Variants in LRIG2 observed in about 807,000 individuals in gnomAD.
LRIG2 encodes the protein leucine rich repeats and immunoglobulin like domains 2, also known as leucine-rich repeats and immunoglobulin-like domains protein 2.
Under a neutral mutation model 107.8 loss-of-function variants are expected in LRIG2, and 93 were observed. The ratio of observed to expected loss-of-function variants is 0.86; its 90% CI spans 0.73 to 1.03. The LOEUF (loss-of-function observed/expected upper bound fraction) is 1.03. Among genes scored for constraint, LRIG2 ranks in the 50% least tolerant of loss-of-function variants. The probability of loss-of-function intolerance (pLI) is 0.00; values close to 1 mark genes in which losing one functional copy is unlikely to be tolerated. For synonymous variants in LRIG2, 471 were observed against 470.6 expected, an observed-to-expected ratio of 1.00 and a Z score of -0.01; for missense variants, 1,226 against 1,296.0, an observed-to-expected ratio of 0.95 and a Z score of 0.83.
intron 1 of LRIG2, among the ~76,000 whole-genome samples, chr1:113,090,404 C>CTACACACACATATATAAA (rs989836036): frequency 1.3e-5 from 2 of 152,100 alleles, no homozygotes; most frequent in Admixed American, 6.6e-5. Context: ...AACTCAGAAG[C>CTACACACACATATATAAA]TACACACACA....
chr1:113,111,781 C>T (rs1407767343), intron 13 of LRIG2, among the ~76,000 whole-genome samples: 1 of 151,946 alleles, frequency 6.6e-6, no homozygotes. Context: ...TTTTAGCATG[C>T]AGTTTCCTTG....
intron 8 of LRIG2, among the ~76,000 whole-genome samples, 193 bp downstream of exon 8, chr1:113,096,558 A>G (rs971612093): frequency 6.6e-6 from 1 of 152,206 alleles, no homozygotes; most frequent in African/African-American, 2.4e-5. Flanking sequence ...GTCGTAGGCA[A>G]TTCAGTTTGT....
At chr1:113,104,117 AG>A (rs1279963003) in intron 11 of LRIG2, among the ~76,000 whole-genome samples, 1 of 152,124 alleles carries the variant, frequency 6.6e-6, no homozygotes, top group Non-Finnish European at 1.5e-5. Flanking sequence ...GGAATACTTA[AG>A]ATCTCCCCAG....
intron 1 of LRIG2, among the ~76,000 whole-genome samples, chr1:113,087,014 T>C (rs1570732941): frequency 6.6e-6 from 1 of 152,290 alleles, no homozygotes. Flanking sequence ...CTTGGTGGCA[T>C]TTGCCTGTGG....
chr1:113,122,714 T>TG (rs1237983877), intron 17 of LRIG2, among the ~76,000 whole-genome samples: 2 of 152,222 alleles, frequency 1.3e-5, no homozygotes, highest in Non-Finnish European at 1.5e-5. Context: ...ACTCGAAGTC[T>TG]GGTCTGTTGA....
chr1:113,113,935 A>T (rs1406653914), intron 14 of LRIG2, among the ~76,000 whole-genome samples: 1 of 152,152 alleles, frequency 6.6e-6, no homozygotes, highest in African/African-American at 2.4e-5. Context: ...TTCCCCTCTC[A>T]CTTTTATGTA....
intron 1 of LRIG2, among the ~76,000 whole-genome samples, chr1:113,079,128 G>A (rs1002997894): frequency 2.0e-5 from 3 of 151,664 alleles, no homozygotes; most frequent in Non-Finnish European, 2.9e-5. Context: ...GCTGATCACT[G>A]GAGCCTAGGA....
chr1:113,104,698 A>G (rs1386019161), intron 11 of LRIG2, among the ~76,000 whole-genome samples: 2 of 152,098 alleles, frequency 1.3e-5, no homozygotes, highest in Admixed American at 6.6e-5. Context: ...TATCTTTAGA[A>G]AAGAGGAGTG....
rs1655699299 is a variant in LRIG2, at chr1:113,131,447, T to C, written c.*7346T>C. The C allele has an allele frequency of 6.6e-6, 1 of 152,368 alleles. No homozygotes were observed. Among genetic ancestry groups the C allele is most frequent in the African/African-American group, 2.4e-5 (1 of 41,590 alleles). 9.4% of individuals were successfully genotyped at this position (152,368 alleles called of 1,614,324 possible). On this transcript the variant is annotated 3_prime_UTR_variant, in exon 18 of 18. Coordinates refer to ENST00000361127, the MANE Select transcript of LRIG2 (RefSeq NM_014813.3). ...TATGCCACATCCTCTTTTCTTACTT[T>C]GCTTCTTGATACAGATTATAGAGGT... is the stretch of plus-strand genomic sequence containing the variant.
intron 1 of LRIG2, among the ~76,000 whole-genome samples, chr1:113,081,413 T>A (rs1435803110): frequency 1.3e-5 from 2 of 151,960 alleles, no homozygotes; most frequent in African/African-American, 4.8e-5. Flanking sequence ...ATTTTTTTTT[T>A]TTTAGTTTTT....
chr1:113,079,263 G>A (rs1557894965), intron 1 of LRIG2, among the ~76,000 whole-genome samples: 1 of 151,254 alleles, frequency 6.6e-6, no homozygotes, highest in African/African-American at 2.4e-5. Flanking sequence ...TAGGAGGATT[G>A]CTTGAGCCTG....
Position 113,126,921 on chromosome 1 carries a change from C to T in LRIG2, c.*2820C>T, listed in dbSNP as rs1258816551. 11 of 156,356 alleles carry T rather than the reference C, an allele frequency of 7.0e-5. No individual in the cohort carries two copies. Among genetic ancestry groups the T allele is most frequent in the Admixed American group, 6.5e-4 (10 of 15,290 alleles). 9.7% of individuals were successfully genotyped at this position (156,356 alleles called of 1,614,324 possible). A position where few individuals can be genotyped will look rare whatever the true frequency, so the allele number is the denominator to read the frequency against. On this transcript the variant is annotated 3_prime_UTR_variant, in exon 18 of 18. Coordinates refer to ENST00000361127, the MANE Select transcript of LRIG2 (RefSeq NM_014813.3). ...TCCATCCGACTTCTGCACTGGGCCA[C>T]ATCCATCTTCTTCATTGTCAGAATC... is the stretch of plus-strand genomic sequence containing the variant.
At chr1:113,097,302 G>A (rs1019624391) in intron 8 of LRIG2, among the ~76,000 whole-genome samples, 1 of 152,080 alleles carries the variant, frequency 6.6e-6, no homozygotes, top group Non-Finnish European at 1.5e-5. Flanking sequence ...AGTAGAATTT[G>A]TAGATTCTTA....
In LRIG2 at chr1:113,131,722, G is replaced by C. The variant is rs1557929710; in HGVS notation, c.*7621G>C. ...ACAAAAGTAACAAGTTTGGAACTAAGAGATATGTTACAAGCTGCACTTAAC... is the reference window on the plus strand; with the variant it reads ...ACAAAAGTAACAAGTTTGGAACTAACAGATATGTTACAAGCTGCACTTAAC... On this transcript the variant is annotated 3_prime_UTR_variant, in exon 18 of 18. Transcript: ENST00000361127. 1 of 151,936 alleles carries C rather than the reference G, an allele frequency of 6.6e-6. No individual in the cohort carries two copies. Among genetic ancestry groups the C allele is most frequent in the Non-Finnish European group, 1.5e-5 (1 of 67,998 alleles). The allele number at this position is 151,936 out of a possible 1,614,324, so 9.4% of individuals were successfully genotyped here.
chr1:113,087,417 C>T (rs1653606236), intron 1 of LRIG2, among the ~76,000 whole-genome samples: 1 of 152,172 alleles, frequency 6.6e-6, no homozygotes. Flanking sequence ...GGCACGATCG[C>T]AGCTCACTGC....
intron 11 of LRIG2, among the ~76,000 whole-genome samples, chr1:113,103,008 C>CTTT (rs11403811): frequency 2.5e-4 from 38 of 150,770 alleles, no homozygotes; most frequent in African/African-American, 8.0e-4. Flanking sequence ...CGCCCCCCTC[C>CTTT]TTTTTTTTTG....
chr1:113,119,244 ACCCGGGTGATTTG>A lies in LRIG2; in HGVS notation c.2694_2706del (p.Arg899GlnfsTer45). The A allele has an allele frequency of 4.3e-6, 7 of 1,609,378 alleles. No individual in the cohort carries two copies. The highest frequency in any genetic ancestry group is 5.1e-6 in the Non-Finnish European group (6 of 1,175,964). On this transcript the variant is annotated frameshift_variant, in exon 17 of 18. Coordinates refer to ENST00000361127, the MANE Select transcript of LRIG2 (RefSeq NM_014813.3). LOFTEE classifies it high-confidence loss of function. ...TTTCTTGTTATTAGGTGGCACTGGT[ACCCGGGTGATTTG>A]CTCAGATTGTTATGACAATGCCAAC...
At chr1:113,091,837 A>T (rs1653842192) in intron 2 of LRIG2, among the ~76,000 whole-genome samples, 1 of 152,250 alleles carries the variant, frequency 6.6e-6, no homozygotes, top group South Asian at 2.1e-4. Context: ...TCTCTTAACT[A>T]AAGTTTTTCC....
chr1:113,083,866 G>C (rs1378505534), intron 1 of LRIG2, among the ~76,000 whole-genome samples: 1 of 100,802 alleles, frequency 9.9e-6, no homozygotes, highest in Non-Finnish European at 1.9e-5. Flanking sequence ...GGTGGGGGGA[G>C]GGGGGAGGGA....
Sources: allele counts gnomAD v4.1 joint callset (sites outside exome capture counted in the v4.1 genomes callset), GRCh38; gene constraint gnomAD v4.1.1; transcripts MANE v1.5; gene names NCBI Gene and HGNC (gene_info 2026-07-23, HGNC 2026-07-21).